Variants in CHM observed in about 807,000 individuals in gnomAD.
The protein encoded by CHM is CHM Rab escort protein, also known as rab proteins geranylgeranyltransferase component A 1.
In CHM, 10 loss-of-function variants were observed where a neutral mutation model predicts 49.0. That is an observed-to-expected ratio of 0.20 (90% CI 0.13 to 0.35). CHM has a LOEUF of 0.35. Among genes scored for constraint, CHM ranks in the 10% least tolerant of loss-of-function variants. The pLI is 1.00. For missense variants in CHM, 455 were observed against 478.4 expected (o/e 0.95, Z 0.46); for synonymous variants, 184 against 167.5 (o/e 1.10, Z -0.76).
intron 2 of CHM, among the ~76,000 whole-genome samples, chrX:86,006,304 T>C (rs1455992914): frequency 9.0e-6 from 1 of 111,665 alleles, no homozygotes; most frequent in Non-Finnish European, 1.9e-5. Context: ...ACAGCCAGTG[T>C]CATACTGAAC....
At chrX:86,029,580 T>C (rs892888507) in intron 1 of CHM, among the ~76,000 whole-genome samples, 6 of 111,971 alleles carry the variant, frequency 5.4e-5, no homozygotes, top group Admixed American at 9.5e-5. Flanking sequence ...GTATTATCTA[T>C]GTGAGGAAAT....
intron 2 of CHM, among the ~76,000 whole-genome samples, chrX:86,004,905 A>G (rs1049141689): frequency 8.9e-6 from 1 of 112,012 alleles, no homozygotes; most frequent in African/African-American, 3.3e-5. Flanking sequence ...GCTCCGCATC[A>G]AGGAGACCTA....
At chrX:85,895,301 A>G (rs1359242876) in intron 11 of CHM, among the ~76,000 whole-genome samples, 2 of 96,278 alleles carry the variant, frequency 2.1e-5, no homozygotes, top group East Asian at 6.6e-4. Flanking sequence ...ACACCTGGCT[A>G]TTTTTTTTTT....
chrX:86,047,390 C>A lies in CHM; in HGVS notation c.49+94G>T, dbSNP rs1934690707. The A allele has an allele frequency of 5.6e-5, 46 of 823,435 alleles. No homozygotes were observed. In the South Asian group the frequency reaches 9.1e-4, roughly 16 times the overall value. 67.9% of individuals were successfully genotyped at this position (823,435 alleles called of 1,213,427 possible). On this transcript the variant is annotated intron_variant, in intron 1 of 14. Coordinates refer to ENST00000357749, the MANE Select transcript of CHM (RefSeq NM_000390.4). ...TCAGTTCTCCCTCCCACTCTCGACC[C>A]ACGATGTTTGTCCCAAAACTCGCCA...
At chrX:85,923,637 A>C (rs938799070) in intron 8 of CHM, among the ~76,000 whole-genome samples, 5 of 112,302 alleles carry the variant, frequency 4.5e-5, no homozygotes, top group Non-Finnish European at 9.4e-5. Flanking sequence ...GGGATACAAA[A>C]GTATGCGAGA....
chrX:85,862,227 T>C lies in CHM; in HGVS notation c.*2403A>G, dbSNP rs1413109178. 1.8e-5 allele frequency: 2 copies of C among 112,256 alleles called. No homozygotes were observed. The highest frequency in any genetic ancestry group is 3.8e-5 in the Non-Finnish European group (2 of 53,185). The allele number at this position is 112,256 out of a possible 1,213,427, so 9.3% of individuals were successfully genotyped here. A position where few individuals can be genotyped will look rare whatever the true frequency, so the allele number is the denominator to read the frequency against. The stretch of plus-strand genomic sequence containing the variant: ...ACTATCTCCTCCATTGTTCTACATA[T>C]AGGTGGCTGCAGTAAGGCCAATAGA... On this transcript the variant is annotated 3_prime_UTR_variant, in exon 15 of 15. Transcript: ENST00000357749.
chrX:85,966,650 T>C (rs973534504), intron 4 of CHM, among the ~76,000 whole-genome samples: 2 of 112,426 alleles, frequency 1.8e-5, no homozygotes. Context: ...TCAGCAAAAG[T>C]TCCACACCTA....
intron 6 of CHM, 75 bp downstream of exon 6, chrX:85,958,786 A>T: frequency 8.3e-7 from 1 of 1,199,348 alleles, no homozygotes; most frequent in Non-Finnish European, 1.1e-6. Context: ...TAACAATCTT[A>T]TTTGCTTATC....
In CHM at chrX:85,900,592, C is replaced by T. The variant is rs538529812; in HGVS notation, c.1413+54G>A. 39 of 729,625 alleles carry T rather than the reference C, an allele frequency of 5.3e-5. No individual in the cohort carries two copies. The South Asian group carries it at 5.5e-4, about 10-fold the overall frequency. 60.1% of individuals were successfully genotyped at this position (729,625 alleles called of 1,213,427 possible). A position where few individuals can be genotyped will look rare whatever the true frequency, so the allele number is the denominator to read the frequency against. ...ATTAGTTCACCATGTATATATATAC[C>T]GAAACATCTTCATATATACAACTTT... On this transcript the variant is annotated intron_variant, in intron 11 of 14. Transcript: ENST00000357749.
At chrX:85,907,800 G>C (rs1926694465) in intron 9 of CHM, among the ~76,000 whole-genome samples, 1 of 111,940 alleles carries the variant, frequency 8.9e-6, no homozygotes, top group Non-Finnish European at 1.9e-5. Context: ...AAGGGTTATA[G>C]CCAGTCTTTA....
At chrX:86,040,982 CACTGAG>C (rs1934434694) in intron 1 of CHM, among the ~76,000 whole-genome samples, 1 of 111,933 alleles carries the variant, frequency 8.9e-6, no homozygotes, top group South Asian at 3.7e-4. Context: ...TTAAAGAATG[CACTGAG>C]ACTGAATAGC....
chrX:86,021,332 G>C (rs1437124023), intron 2 of CHM, among the ~76,000 whole-genome samples: 1 of 106,784 alleles, frequency 9.4e-6, no homozygotes, highest in Non-Finnish European at 1.9e-5. Context: ...CCATTACATA[G>C]ATTAGTTGAT....
At chrX:85,988,142 C>G (rs1442202460) in intron 2 of CHM, among the ~76,000 whole-genome samples, 3 of 112,080 alleles carry the variant, frequency 2.7e-5, no homozygotes, top group African/African-American at 6.5e-5. Context: ...AGCAGCAAAT[C>G]AAAAGGCTAA....
At chrX:85,913,593 G>T (rs960273506) in intron 8 of CHM, among the ~76,000 whole-genome samples, 2 of 110,076 alleles carry the variant, frequency 1.8e-5, no homozygotes, top group African/African-American at 6.6e-5. Flanking sequence ...GGCCCGAGAA[G>T]AAATGCAGCC....
At chrX:85,916,253 A>C (rs1367214816) in intron 8 of CHM, among the ~76,000 whole-genome samples, 1 of 112,215 alleles carries the variant, frequency 8.9e-6, no homozygotes, top group Non-Finnish European at 1.9e-5. Context: ...CCACATGCAG[A>C]AGATCAAAAC....
intron 14 of CHM, among the ~76,000 whole-genome samples, chrX:85,866,857 AT>A (rs916551339): frequency 8.9e-6 from 1 of 112,935 alleles, no homozygotes; most frequent in African/African-American, 3.2e-5. Flanking sequence ...AATTTCTCCC[AT>A]TTGGAATGGG....
intron 2 of CHM, among the ~76,000 whole-genome samples, chrX:85,989,037 C>T (rs1932053281): frequency 9.0e-6 from 1 of 111,582 alleles, no homozygotes; most frequent in Admixed American, 9.5e-5. Context: ...ACCCAAATAG[C>T]CAAGGCAATC....
rs755487114 is a variant in CHM at position 85,963,853 on chromosome X, C to T, written c.514G>A (p.Ala172Thr). ...DPENALEVNG[A>T]EVTGEKENHC... ...TTTTCTTTTTCCCCTGTCACTTCAGCACCATTTACTTCTAGCGCATTCTCT... is the reference window on the plus strand; with the variant it reads ...TTTTCTTTTTCCCCTGTCACTTCAGTACCATTTACTTCTAGCGCATTCTCT... The change falls in exon 5 of 15, where the codon GCT becomes ACT. Residue 172 changes from alanine (A) to threonine (T), a missense_variant. Ala to Thr is a moderately conservative substitution (Grantham distance 58, BLOSUM62 0). Coordinates refer to ENST00000357749, the MANE Select transcript of CHM (RefSeq NM_000390.4). 5.2e-5 allele frequency: 63 copies of T among 1,209,487 alleles called. 1 individual carries two copies. The South Asian group carries it at 1.1e-3, about 21-fold the overall frequency.
rs778110157 is a variant in CHM at position 85,957,895 on chromosome X, T to C, written c.900A>G (p.Thr300=). Residue 300 remains threonine, a synonymous_variant, in exon 7 of 15, where the codon ACA becomes ACG. Transcript: ENST00000357749. The stretch of plus-strand genomic sequence containing the variant: ...GATATTTCTCATATTCCATACAAAA[T>C]GTAAGAAATTTCATTAGCATTCGCT... The part of the protein sequence containing the change: ...VEKRMLMKFL[T]FCMEYEKYPD... The C allele has an allele frequency of 8.3e-6, 10 of 1,209,839 alleles. No homozygotes were observed. Among genetic ancestry groups the C allele is most frequent in the Non-Finnish European group, 1.1e-5 (10 of 894,303 alleles).
Sources: allele counts gnomAD v4.1 joint callset (sites outside exome capture counted in the v4.1 genomes callset), GRCh38; gene constraint gnomAD v4.1.1; transcripts MANE v1.5; gene names NCBI Gene and HGNC (gene_info 2026-07-23, HGNC 2026-07-21).